Variants in PSMB7 observed in about 807,000 individuals in gnomAD.
PSMB7 encodes proteasome 20S subunit beta 7.
A neutral mutation model predicts 28.1 loss-of-function variants in PSMB7; 5 were observed. The ratio of observed to expected loss-of-function variants is 0.18; its 90% confidence interval spans 0.09 to 0.37. The LOEUF is 0.37. Ranked by LOEUF, PSMB7 falls within the 10% of genes least tolerant of loss-of-function variation. The probability of loss-of-function intolerance (pLI) is 1.00; values close to 1 mark genes in which losing one functional copy is unlikely to be tolerated. For synonymous variants in PSMB7, 122 were observed against 123.7 expected, an observed-to-expected ratio of 0.99 and a Z score of 0.09; for missense variants, 275 against 346.2, an observed-to-expected ratio of 0.79 and a Z score of 1.63.
intron 7 of PSMB7, among the ~76,000 whole-genome samples, chr9:124,355,715 C>T (rs1436132019): frequency 6.6e-6 from 1 of 152,150 alleles, no homozygotes; most frequent in African/African-American, 2.4e-5. Context: ...GCTCCATTTC[C>T]AAGACAGACT....
intron 6 of PSMB7, among the ~76,000 whole-genome samples, chr9:124,370,489 T>C (rs1371399247): frequency 8.3e-6 from 1 of 121,102 alleles, no homozygotes; most frequent in Non-Finnish European, 1.7e-5. Context: ...ATTCAGATCT[T>C]CCGATATATA....
chr9:124,359,380 A>G (rs942886987), intron 6 of PSMB7, among the ~76,000 whole-genome samples: 3 of 152,138 alleles, frequency 2.0e-5, no homozygotes, highest in African/African-American at 4.8e-5. Flanking sequence ...CAATCAATCA[A>G]TCAACATCTA....
At chr9:124,400,358 A>G (rs1289715001) in intron 5 of PSMB7, among the ~76,000 whole-genome samples, 1 of 152,218 alleles carries the variant, frequency 6.6e-6, no homozygotes, top group Non-Finnish European at 1.5e-5. Flanking sequence ...GTGGGAGTAT[A>G]AACTCGTGCC....
At chr9:124,375,518 C>A (rs1830601252) in intron 6 of PSMB7, among the ~76,000 whole-genome samples, 1 of 151,984 alleles carries the variant, frequency 6.6e-6, no homozygotes, top group African/African-American at 2.4e-5. Context: ...TCTAAATACA[C>A]ATTTTTCCCC....
At chr9:124,365,217 T>C (rs1019886082) in intron 6 of PSMB7, among the ~76,000 whole-genome samples, 2 of 152,050 alleles carry the variant, frequency 1.3e-5, no homozygotes, top group Non-Finnish European at 2.9e-5. Context: ...CCCATGAGAA[T>C]TGTGGAGCCC....
chr9:124,398,152 AAC>A (rs1407256702), intron 5 of PSMB7, among the ~76,000 whole-genome samples: 2 of 151,818 alleles, frequency 1.3e-5, no homozygotes, highest in Admixed American at 6.5e-5. Flanking sequence ...CAGCCTGGGC[AAC>A]AGAGTGAGAC....
chr9:124,414,929 G>A lies in PSMB7; in HGVS notation c.69C>T (p.Ala23=), dbSNP rs200846512. 1.8e-5 allele frequency: 29 copies of A among 1,610,852 alleles called. No individual in the cohort carries two copies. The highest frequency in any genetic ancestry group is 1.6e-4 in the Middle Eastern group (1 of 6,078). The change falls in exon 2 of 8, where the codon GCC becomes GCT. Residue 23 remains alanine, a synonymous_variant. Transcript: ENST00000259457. ...TCTTTGCAAAATCGGCTTCCAAGACGGCATTCCTAAGAGCAAATGAGAGAA... is the reference window on the plus strand; with the variant it reads ...TCTTTGCAAAATCGGCTTCCAAGACAGCATTCCTAAGAGCAAATGAGAGAA... ...GFSFDNCRRN[A]VLEADFAKRG... is the part of the protein sequence containing the mutation.
chr9:124,392,348 C>T (rs1036014289), intron 5 of PSMB7, among the ~76,000 whole-genome samples: 3 of 152,182 alleles, frequency 2.0e-5, no homozygotes, highest in Non-Finnish European at 4.4e-5. Context: ...CCGGCTCTGG[C>T]GCTCCCTAGC....
chr9:124,393,609 T>A (rs1160055121), intron 5 of PSMB7, among the ~76,000 whole-genome samples: 1 of 152,232 alleles, frequency 6.6e-6, no homozygotes, highest in African/African-American at 2.4e-5. Context: ...CTTTTCTAAA[T>A]GTAATATAGT....
chr9:124,407,786 G>C (rs1830982149), intron 4 of PSMB7, among the ~76,000 whole-genome samples: 4 of 152,152 alleles, frequency 2.6e-5, no homozygotes, highest in Admixed American at 2.6e-4. Context: ...GATTAAAAAA[G>C]TGGAAACAGC....
chr9:124,412,278 G>T, intron 4 of PSMB7, 74 bp downstream of exon 4: 1 of 1,438,198 alleles, frequency 7.0e-7, no homozygotes, highest in Non-Finnish European at 9.6e-7. Context: ...CTACTTTCCA[G>T]GCTTCTCTTG....
At chr9:124,394,371 G>T (rs1341908438) in intron 5 of PSMB7, among the ~76,000 whole-genome samples, 1 of 152,216 alleles carries the variant, frequency 6.6e-6, no homozygotes, top group African/African-American at 2.4e-5. Context: ...CTTTCCTTTA[G>T]CAGGGGCGAC....
At chr9:124,392,812 G>GA (rs1830802372) in intron 5 of PSMB7, among the ~76,000 whole-genome samples, 1 of 152,070 alleles carries the variant, frequency 6.6e-6, no homozygotes, top group Admixed American at 6.5e-5. Flanking sequence ...ATCGTCTCAG[G>GA]AAAAAAAGCT....
At chr9:124,364,156 C>A (rs946564279) in intron 6 of PSMB7, among the ~76,000 whole-genome samples, 1 of 152,122 alleles carries the variant, frequency 6.6e-6, no homozygotes, top group Non-Finnish European at 1.5e-5. Flanking sequence ...CAAACACTTG[C>A]GTTATTTATT....
At position 124,415,345 on chromosome 9, in the gene PSMB7, G is replaced by GCC. The variant is rs1331519053; in HGVS notation, c.62+17_62+18dup. The GCC allele has an allele frequency of 1.2e-6, 2 of 1,612,954 alleles. No homozygotes were observed. Among genetic ancestry groups the GCC allele is most frequent in the Non-Finnish European group, 1.7e-6 (2 of 1,179,332 alleles). On this transcript the variant is annotated intron_variant, in intron 1 of 7. Coordinates refer to ENST00000259457, the MANE Select transcript of PSMB7 (RefSeq NM_002799.4). ...GCACTCTTCTCCCTCCCTGAACCAA[G>GCC]CCCCAAGCAAGGCGGCACCTGCGGC...
At position 124,356,626 on chromosome 9, in the gene PSMB7, G is replaced by T; in HGVS notation, c.722+138C>A. On this transcript the variant is annotated intron_variant, in intron 7 of 7. Transcript: ENST00000259457. This position sits in a 1 kb window ranked among gnomAD's most constrained non-coding sequence, Gnocchi z 4.4. Reference sequence around the variant, plus strand: ...AAAGCAAGTAACAAGCCGAAGGTCTGTGTGGGAGGTTGATTTGGGAACACT... The same window carrying T: ...AAAGCAAGTAACAAGCCGAAGGTCTTTGTGGGAGGTTGATTTGGGAACACT... 1.0e-6 allele frequency: 1 copy of T among 984,110 alleles called. No individual in the cohort carries two copies. The highest frequency in any genetic ancestry group is 1.5e-6 in the Non-Finnish European group (1 of 669,160). 61.0% of individuals were successfully genotyped at this position (984,110 alleles called of 1,614,324 possible). A position where few individuals can be genotyped will look rare whatever the true frequency, so the allele number is the denominator to read the frequency against.
At chr9:124,381,360 T>G (rs1345684893) in intron 6 of PSMB7, among the ~76,000 whole-genome samples, 1 of 152,230 alleles carries the variant, frequency 6.6e-6, no homozygotes, top group Non-Finnish European at 1.5e-5. Context: ...GCCTAAAAAT[T>G]ACTGTTGGTT....
intron 5 of PSMB7, among the ~76,000 whole-genome samples, chr9:124,393,386 A>G (rs1188365214): frequency 6.6e-6 from 1 of 152,198 alleles, no homozygotes; most frequent in East Asian, 1.9e-4. Context: ...GTTTAATTTG[A>G]TGTTTTCACT....
intron 4 of PSMB7, among the ~76,000 whole-genome samples, chr9:124,406,441 G>A (rs1176006275): frequency 6.7e-6 from 1 of 149,090 alleles, no homozygotes; most frequent in Non-Finnish European, 1.5e-5. Flanking sequence ...GGCAGAGGTT[G>A]CAGTGAGCCA....
Sources: allele counts gnomAD v4.1 joint callset (sites outside exome capture counted in the v4.1 genomes callset), GRCh38; gene constraint gnomAD v4.1.1; non-coding constraint Gnocchi (gnomAD v3.1); transcripts MANE v1.5; gene names NCBI Gene and HGNC (gene_info 2026-07-23, HGNC 2026-07-21).